The following BICD1 variants were observed in gnomAD, a reference collection of about 807,000 sequenced individuals.
The protein encoded by BICD1 is protein bicaudal D homolog 1.
Under a neutral mutation model 92.5 loss-of-function variants are expected in BICD1, and 35 were observed. The observed-to-expected ratio is 0.38, with a 90% confidence interval of 0.29 to 0.50. The LOEUF (loss-of-function observed/expected upper bound fraction) is 0.50, where lower values mean the gene tolerates loss of function less well. Among genes scored for constraint, BICD1 ranks in the 20% least tolerant of loss-of-function variants. BICD1 has a pLI of 0.93. For missense variants in BICD1, 950 were observed against 1,189.8 expected, an observed-to-expected ratio of 0.80 and a Z score of 2.97; for synonymous variants, 429 against 465.1, an observed-to-expected ratio of 0.92 and a Z score of 1.00.
intron 8 of BICD1, among the ~76,000 whole-genome samples, chr12:32,361,450 G>A (rs1440869803): frequency 6.6e-6 from 1 of 151,792 alleles, no homozygotes; most frequent in African/African-American, 2.4e-5. Flanking sequence ...CTACTCTGGA[G>A]GCTGTAACAC....
At chr12:32,199,470 C>T (rs1024491005) in intron 1 of BICD1, among the ~76,000 whole-genome samples, 4 of 152,168 alleles carry the variant, frequency 2.6e-5, no homozygotes, top group African/African-American at 7.2e-5. Context: ...GGCCCAATAA[C>T]GAGAAGCAGA....
intron 2 of BICD1, among the ~76,000 whole-genome samples, chr12:32,263,621 A>T (rs921828946): frequency 1.4e-4 from 21 of 152,158 alleles, no homozygotes; most frequent in African/African-American, 5.1e-4. Flanking sequence ...AAAAGAATGC[A>T]TGCTAAATAA....
intron 8 of BICD1, among the ~76,000 whole-genome samples, chr12:32,351,139 G>A (rs1182373795): frequency 6.9e-6 from 1 of 144,842 alleles, no homozygotes; most frequent in Non-Finnish European, 1.5e-5. Flanking sequence ...GACTAGATTA[G>A]ATTGTTACTC....
chr12:32,287,383 C>G (rs1947597962), intron 2 of BICD1, among the ~76,000 whole-genome samples: 1 of 151,902 alleles, frequency 6.6e-6, no homozygotes, highest in Non-Finnish European at 1.5e-5. Flanking sequence ...GATACTAGAT[C>G]TGATTCTAAT....
At chr12:32,235,116 C>T (rs73310709) in intron 2 of BICD1, among the ~76,000 whole-genome samples, 18,312 of 152,178 alleles carry the variant, frequency 0.12, 1,796 homozygotes, top group African/African-American at 0.27. Context: ...TTTGAAAACA[C>T]ACATATTAAC....
intron 2 of BICD1, among the ~76,000 whole-genome samples, chr12:32,249,568 G>A (rs1946475021): frequency 6.6e-6 from 1 of 152,024 alleles, no homozygotes; most frequent in East Asian, 1.9e-4. Context: ...GTGTTTCCCA[G>A]GTGTCCTGAA....
At chr12:32,237,981 A>G (rs567970190) in intron 2 of BICD1, among the ~76,000 whole-genome samples, 1 of 152,356 alleles carries the variant, frequency 6.6e-6, no homozygotes, top group Non-Finnish European at 1.5e-5. Flanking sequence ...GGATCTGGGC[A>G]AAGTCTATTG....
chr12:32,250,039 ATATTATTATG>A (rs1309700655), intron 2 of BICD1, among the ~76,000 whole-genome samples: 18 of 152,022 alleles, frequency 1.2e-4, no homozygotes, highest in African/African-American at 4.1e-4. Flanking sequence ...GACAAGAAGC[ATATTATTATG>A]TTAATTCCAG....
chr12:32,348,720 A>ACACAC (rs1170971660), intron 8 of BICD1, among the ~76,000 whole-genome samples: 17 of 66,794 alleles, frequency 2.5e-4, no homozygotes, highest in African/African-American at 9.6e-4. Context: ...TAGCTCACAC[A>ACACAC]AAAATATATA....
At chr12:32,365,925 T>C (rs1204096763) in intron 8 of BICD1, among the ~76,000 whole-genome samples, 4 of 152,170 alleles carry the variant, frequency 2.6e-5, no homozygotes, top group Non-Finnish European at 5.9e-5. Flanking sequence ...TTTGTTATAT[T>C]TGAAAGATTT....
At chr12:32,332,923 G>C in intron 5 of BICD1, 1 of 985,412 alleles carries the variant, frequency 1.0e-6, no homozygotes. Flanking sequence ...GCAGAAATCA[G>C]CAAATCCAGT....
chr12:32,250,535 G>GA (rs1456824028), intron 2 of BICD1, among the ~76,000 whole-genome samples: 1 of 152,174 alleles, frequency 6.6e-6, no homozygotes, highest in Non-Finnish European at 1.5e-5. Context: ...GGCAGACATT[G>GA]AATGCTCAGG....
At chr12:32,256,635 G>A (rs924364605) in intron 2 of BICD1, among the ~76,000 whole-genome samples, 5 of 152,220 alleles carry the variant, frequency 3.3e-5, no homozygotes, top group African/African-American at 1.2e-4. Flanking sequence ...AAAAGAGACA[G>A]TGATGACTAA....
intron 1 of BICD1, among the ~76,000 whole-genome samples, chr12:32,121,878 A>G (rs1209260145): frequency 2.0e-5 from 3 of 150,606 alleles, no homozygotes; most frequent in Admixed American, 1.3e-4. Context: ...CAATGGTGCA[A>G]TCTCGGCTCA....
At chr12:32,304,938 C>T (rs564278714) in intron 3 of BICD1, among the ~76,000 whole-genome samples, 19 of 152,294 alleles carry the variant, frequency 1.2e-4, no homozygotes, top group African/African-American at 3.8e-4. Context: ...GGGAAGATCA[C>T]TTGAGCCCGG....
intron 9 of BICD1, among the ~76,000 whole-genome samples, chr12:32,375,068 G>A (rs1270299713): frequency 2.0e-5 from 3 of 150,608 alleles, no homozygotes; most frequent in South Asian, 2.1e-4. Context: ...ACAGGCGCCC[G>A]CCACCACGCC....
At chr12:32,343,422 G>C (rs1288895625) in intron 8 of BICD1, among the ~76,000 whole-genome samples, 1 of 151,906 alleles carries the variant, frequency 6.6e-6, no homozygotes, top group African/African-American at 2.4e-5. Context: ...GTCAGAATAC[G>C]TAAAGGGAAT....
chr12:32,320,763 C>T (rs1397042047), intron 4 of BICD1, among the ~76,000 whole-genome samples: 5 of 152,084 alleles, frequency 3.3e-5, no homozygotes, highest in Non-Finnish European at 7.4e-5. Flanking sequence ...CTAGACTAAA[C>T]AGTTCACAAA....
At chr12:32,377,298 A>G (rs906522841) in intron 9 of BICD1, among the ~76,000 whole-genome samples, 1 of 152,208 alleles carries the variant, frequency 6.6e-6, no homozygotes, top group Non-Finnish European at 1.5e-5. Flanking sequence ...ACAAGAAAAG[A>G]GAAGAGTGAC....
Sources: gnomAD v4.1 joint callset for allele counts (sites outside exome capture counted in the v4.1 genomes callset) on GRCh38, gnomAD v4.1.1 for gene constraint, MANE v1.5 for transcripts, NCBI Gene and HGNC (gene_info 2026-07-23, HGNC 2026-07-21) for gene names.